Variants in PEBP4 observed in about 807,000 individuals in gnomAD.
PEBP4 encodes the protein phosphatidylethanolamine binding protein 4.
A neutral mutation model predicts 23.9 loss-of-function variants in PEBP4; 22 were observed. The ratio of observed to expected loss-of-function variants is 0.92; its 90% confidence interval spans 0.66 to 1.31. The LOEUF is 1.31. Ranked by LOEUF, PEBP4 falls within the 40% of genes most tolerant of loss-of-function variation. The probability of loss-of-function intolerance (pLI) is 0.00; values close to 1 mark genes in which losing one functional copy is unlikely to be tolerated. For missense variants in PEBP4, 324 were observed against 281.7 expected (o/e 1.15, Z -1.07); for synonymous variants, 112 against 99.3 (o/e 1.13, Z -0.76).
intron 4 of PEBP4, among the ~76,000 whole-genome samples, chr8:22,732,502 A>G (rs1010131661): frequency 1.5e-4 from 23 of 152,146 alleles, no homozygotes; most frequent in African/African-American, 5.6e-4. Flanking sequence ...GCAAACCACC[A>G]TGGCACACTT....
chr8:22,838,552 G>A (rs561173871), intron 3 of PEBP4, among the ~76,000 whole-genome samples: 52 of 152,200 alleles, frequency 3.4e-4, no homozygotes, highest in Non-Finnish European at 5.6e-4. Context: ...CAGACCTGAC[G>A]CTCCCTCCCA....
In PEBP4 at chr8:22,773,387, G is replaced by A. The variant is rs548234038; in HGVS notation, c.357+44250C>T. On this transcript the variant is annotated intron_variant, in intron 4 of 6. Transcript: ENST00000256404. ...ATGGTGGACAGGCCACTTCCTGCAG[G>A]GCACAAAGCTGGAGGAGACCCGTGA... Among the ~76,000 whole-genome samples, 7 of 152,288 alleles carry A rather than the reference G, an allele frequency of 4.6e-5. No homozygotes were observed. In the East Asian group the frequency reaches 1.4e-3, roughly 29 times the overall value.
chr8:22,909,364 C>T (rs1808886460), intron 3 of PEBP4, among the ~76,000 whole-genome samples: 1 of 152,196 alleles, frequency 6.6e-6, no homozygotes, highest in Non-Finnish European at 1.5e-5. Context: ...TGTGTAATGG[C>T]TTCTTCTGAC....
intron 3 of PEBP4, among the ~76,000 whole-genome samples, chr8:22,856,581 G>A (rs1402613792): frequency 2.0e-5 from 3 of 152,174 alleles, no homozygotes; most frequent in Non-Finnish European, 4.4e-5. Flanking sequence ...GCCAGGCGTA[G>A]TGGTGCATGC....
intron 3 of PEBP4, among the ~76,000 whole-genome samples, chr8:22,818,486 C>T (rs1188454137): frequency 6.6e-6 from 1 of 152,016 alleles, no homozygotes; most frequent in East Asian, 1.9e-4. Flanking sequence ...ACCATTGTGG[C>T]CAGGGACAAG....
Position 22,843,531 on chromosome 8 carries a change from C to T in PEBP4, c.259-25796G>A, listed in dbSNP as rs188601302. 3.3e-5 allele frequency among the ~76,000 whole-genome samples: 5 copies of T among 152,314 alleles called. No individual in the cohort carries two copies. In the East Asian group the frequency reaches 9.6e-4, roughly 29 times the overall value. On this transcript the variant is annotated intron_variant, in intron 3 of 6. Transcript: ENST00000256404. ...AGGGAATCAGCCAAGAGAAACCAGG[C>T]CTGGGAGAACCTGGGGTGTACTTGA...
In PEBP4 at chr8:22,728,925, A is replaced by T. The variant is rs148682212; in HGVS notation, c.358-1705T>A. On this transcript the variant is annotated intron_variant, in intron 4 of 6. Coordinates refer to ENST00000256404, the MANE Select transcript of PEBP4 (RefSeq NM_144962.3). ...GATCTCTTTCCTTTAACTTCCTTCT[A>T]CTCTCCCTGATCCTGTTCTTTTCTG... Among the ~76,000 whole-genome samples the T allele has an allele frequency of 5.0e-3, 750 of 151,308 alleles. 5 individuals are homozygous for T. Among genetic ancestry groups the T allele is most frequent in the Non-Finnish European group, 7.0e-3 (476 of 67,818 alleles).
At chr8:22,811,889 G>A (rs1027934905) in intron 4 of PEBP4, among the ~76,000 whole-genome samples, 2 of 152,226 alleles carry the variant, frequency 1.3e-5, no homozygotes, top group African/African-American at 4.8e-5. Context: ...AATTGTCTAA[G>A]GGAGTTTGCT....
intron 4 of PEBP4, among the ~76,000 whole-genome samples, chr8:22,728,553 T>C (rs13260256): frequency 5.0e-4 from 44 of 88,066 alleles, no homozygotes; most frequent in East Asian, 1.3e-3. Context: ...CCTTTCTTTC[T>C]TTCTTTCTTC....
chr8:22,806,023 C>T (rs979991862), intron 4 of PEBP4, among the ~76,000 whole-genome samples: 1 of 152,082 alleles, frequency 6.6e-6, no homozygotes, highest in African/African-American at 2.4e-5. Flanking sequence ...CACATTGTGG[C>T]TTGACATTCT....
Position 22,883,800 on chromosome 8 carries a change from A to G in PEBP4, c.258+36384T>C, listed in dbSNP as rs1323535207. On this transcript the variant is annotated intron_variant, in intron 3 of 6. Coordinates refer to ENST00000256404, the MANE Select transcript of PEBP4 (RefSeq NM_144962.3). ...TCTGTTCTGTATATCACAGGGCCTC[A>G]TTGTCATTTGTTGAATCATTTTGTC... Among the ~76,000 whole-genome samples, 3 of 152,134 alleles carry G rather than the reference A, an allele frequency of 2.0e-5. No homozygotes were observed. In the East Asian group the frequency reaches 5.8e-4, roughly 29 times the overall value.
chr8:22,852,315 T>C (rs1807567445), intron 3 of PEBP4, among the ~76,000 whole-genome samples: 1 of 152,202 alleles, frequency 6.6e-6, no homozygotes, highest in African/African-American at 2.4e-5. Context: ...TTTTTTTCCC[T>C]ATCTGTTGTA....
chr8:22,858,918 G>C (rs1807710843), intron 3 of PEBP4, among the ~76,000 whole-genome samples: 1 of 152,300 alleles, frequency 6.6e-6, no homozygotes, highest in African/African-American at 2.4e-5. Flanking sequence ...CTGCACTCCA[G>C]CCTGGGTGAC....
intron 4 of PEBP4, among the ~76,000 whole-genome samples, chr8:22,764,043 T>C (rs1262054645): frequency 6.6e-6 from 1 of 152,202 alleles, no homozygotes; most frequent in Admixed American, 6.5e-5. Flanking sequence ...TATTCCTCAC[T>C]TAACATGATG....
chr8:22,866,235 C>A (rs991853394), intron 3 of PEBP4, among the ~76,000 whole-genome samples: 2 of 152,186 alleles, frequency 1.3e-5, no homozygotes, highest in Non-Finnish European at 2.9e-5. Flanking sequence ...AATATATGTA[C>A]GACACAAGGC....
intron 2 of PEBP4, 91 bp downstream of exon 2, chr8:22,927,493 T>G: frequency 7.0e-7 from 1 of 1,433,526 alleles, no homozygotes; most frequent in Non-Finnish European, 9.3e-7. Context: ...GCTCAGGAGA[T>G]GGTGCTTCTT....
chr8:22,901,237 C>G (rs565934516), intron 3 of PEBP4, among the ~76,000 whole-genome samples: 54 of 152,320 alleles, frequency 3.5e-4, no homozygotes, highest in African/African-American at 1.3e-3. Flanking sequence ...CACGTATTCA[C>G]TGAAGACTTG....
chr8:22,853,969 A>G lies in PEBP4; in HGVS notation c.259-36234T>C, dbSNP rs1309405041. Among the ~76,000 whole-genome samples the G allele has an allele frequency of 2.0e-5, 3 of 152,154 alleles. No homozygotes were observed. In the East Asian group the frequency reaches 5.8e-4, roughly 29 times the overall value. On this transcript the variant is annotated intron_variant, in intron 3 of 6. Transcript: ENST00000256404. The stretch of plus-strand genomic sequence containing the variant: ...TTAGCAAGAACAACAAACCTCACCA[A>G]CGCCAGAATCCAGAGACCATGAGAC...
At chr8:22,777,739 A>T (rs1443156667) in intron 4 of PEBP4, among the ~76,000 whole-genome samples, 4 of 152,132 alleles carry the variant, frequency 2.6e-5, no homozygotes, top group Non-Finnish European at 5.9e-5. Context: ...CTTGAGGAGG[A>T]GGAGAGAATC....
Sources: gnomAD v4.1 joint callset for allele counts (sites outside exome capture counted in the v4.1 genomes callset) on GRCh38, gnomAD v4.1.1 for gene constraint, MANE v1.5 for transcripts, NCBI Gene and HGNC (gene_info 2026-07-23, HGNC 2026-07-21) for gene names.